Variants in ELSPBP1 observed in about 807,000 individuals in gnomAD.
ELSPBP1 encodes epididymal sperm binding protein 1.
ELSPBP1 carries 38 observed loss-of-function variants against 33.3 expected under a neutral mutation model. The observed-to-expected ratio is 1.14, with a 90% CI of 0.88 to 1.50. ELSPBP1 has a LOEUF of 1.50. Among genes scored for constraint, ELSPBP1 ranks in the 40% most tolerant of loss-of-function variants. The pLI, the probability that ELSPBP1 is intolerant of heterozygous loss-of-function variation, is 0.00. For missense variants in ELSPBP1, 267 were observed against 263.5 expected, an observed-to-expected ratio of 1.01 and a Z score of -0.09; for synonymous variants, 85 against 94.1, an observed-to-expected ratio of 0.90 and a Z score of 0.56.
intron 6 of ELSPBP1, among the ~76,000 whole-genome samples, chr19:48,023,345 G>A (rs1363063057): frequency 8.1e-6 from 1 of 123,320 alleles, no homozygotes; most frequent in African/African-American, 3.0e-5. Flanking sequence ...AGGGAGGGAG[G>A]AAGGAAAGAA....
chr19:48,012,281 G>T (rs989084156), intron 2 of ELSPBP1, among the ~76,000 whole-genome samples: 5 of 150,126 alleles, frequency 3.3e-5, no homozygotes, highest in African/African-American at 1.2e-4. Flanking sequence ...ACACCACCAT[G>T]CCCGGCTAAT....
intron 6 of ELSPBP1, among the ~76,000 whole-genome samples, chr19:48,024,108 T>A (rs1257351389): frequency 6.6e-6 from 1 of 150,580 alleles, no homozygotes; most frequent in Non-Finnish European, 1.5e-5. Context: ...GGTCTCAAAC[T>A]CCTGACCTCA....
chr19:48,008,209 A>G (rs1244342046), intron 1 of ELSPBP1, among the ~76,000 whole-genome samples: 2 of 151,668 alleles, frequency 1.3e-5, no homozygotes, highest in Admixed American at 6.6e-5. Context: ...ATGTAGAAAC[A>G]TATGTGTGTG....
chr19:47,995,750 G>C (rs1004350721), intron 1 of ELSPBP1, among the ~76,000 whole-genome samples: 2 of 152,140 alleles, frequency 1.3e-5, no homozygotes, highest in African/African-American at 4.8e-5. Context: ...GGCTTCTATA[G>C]TTTAGGTTTT....
At chr19:48,023,619 G>A in intron 6 of ELSPBP1, among the ~76,000 whole-genome samples, 1 of 151,328 alleles carries the variant, frequency 6.6e-6, no homozygotes, top group South Asian at 2.1e-4. Context: ...GGAAGAAAGG[G>A]AAGGAGGGAA....
intron 3 of ELSPBP1, among the ~76,000 whole-genome samples, chr19:48,015,546 T>C (rs1967122373): frequency 6.6e-6 from 1 of 152,022 alleles, no homozygotes; most frequent in South Asian, 2.1e-4. Flanking sequence ...TAATCCCAGC[T>C]ACTCGGGAGG....
intron 1 of ELSPBP1, among the ~76,000 whole-genome samples, chr19:47,996,494 A>G (rs1966913458): frequency 6.6e-6 from 1 of 152,128 alleles, no homozygotes; most frequent in Non-Finnish European, 1.5e-5. Context: ...GGGCAAAAGG[A>G]TGGGAGAATT....
intron 1 of ELSPBP1, among the ~76,000 whole-genome samples, chr19:47,998,454 G>T (rs1966932932): frequency 6.8e-6 from 1 of 147,910 alleles, no homozygotes; most frequent in South Asian, 2.1e-4. Context: ...TCAATCTCAG[G>T]GATTGGGCTA....
At chr19:47,995,143 T>G (rs73565552) in intron 1 of ELSPBP1, among the ~76,000 whole-genome samples, 5,275 of 152,298 alleles carry the variant, frequency 0.035, 300 homozygotes, top group African/African-American at 0.12. Context: ...ATAGAACAAT[T>G]TGAACTTTCC....
At chr19:48,013,087 G>C (rs1664100572) in intron 2 of ELSPBP1, among the ~76,000 whole-genome samples, 1 of 152,070 alleles carries the variant, frequency 6.6e-6, no homozygotes, top group Admixed American at 6.6e-5. Flanking sequence ...GTAAGCAGAA[G>C]GACTAAAAGG....
At chr19:48,018,851 C>T (rs892178288) in intron 4 of ELSPBP1, among the ~76,000 whole-genome samples, 2 of 152,156 alleles carry the variant, frequency 1.3e-5, no homozygotes, top group African/African-American at 2.4e-5. Flanking sequence ...ACTTCCTTGA[C>T]AGCATCTTAA....
chr19:48,004,226 G>T (rs1917775439), intron 1 of ELSPBP1, among the ~76,000 whole-genome samples: 3 of 152,068 alleles, frequency 2.0e-5, no homozygotes, highest in Non-Finnish European at 4.4e-5. Context: ...TTACAGGCAT[G>T]AGCCACCACA....
chr19:48,020,220 G>T (rs1967185044), intron 5 of ELSPBP1, among the ~76,000 whole-genome samples: 1 of 152,198 alleles, frequency 6.6e-6, no homozygotes, highest in Admixed American at 6.5e-5. Flanking sequence ...GGGAGGCTGA[G>T]ATGGGAGGAT....
At position 48,008,650 on chromosome 19, in the gene ELSPBP1, G is replaced by A. The variant is rs1025996293; in HGVS notation, c.-17-1G>A. On this transcript the variant is annotated splice_acceptor_variant, in intron 1 of 6. Transcript: ENST00000339841. LOFTEE classifies it low-confidence loss of function (5UTR_SPLICE). ...GAAAATTTTTGTCTTCTTTTCCACA[G>A]AGAAGAGGGCAGCCAAGATGACCCG... is the stretch of plus-strand genomic sequence containing the variant. The A allele has an allele frequency of 3.7e-6, 6 of 1,613,072 alleles. No homozygotes were observed. Among genetic ancestry groups the A allele is most frequent in the Admixed American group, 3.3e-5 (2 of 59,932 alleles).
chr19:48,016,388 GCTTC>G lies in ELSPBP1; in HGVS notation c.355+361_355+364del, dbSNP rs989108124. ...CTTTTCTTTCCTTCCTTCCTTCCTT[GCTTC>G]CTTCCTTCCTTTCCTTTCTTTCCTT... On this transcript the variant is annotated intron_variant, in intron 4 of 6. Coordinates refer to ENST00000339841, the MANE Select transcript of ELSPBP1 (RefSeq NM_022142.5). 3.4e-5 allele frequency among the ~76,000 whole-genome samples: 5 copies of G among 148,206 alleles called. No homozygotes were observed. The South Asian group carries it at 1.1e-3, about 32-fold the overall frequency.
rs371916640 is a variant in ELSPBP1 at position 48,000,206 on chromosome 19, A to G, written c.-18+5395A>G. Among the ~76,000 whole-genome samples the G allele has an allele frequency of 6.2e-3, 395 of 64,022 alleles. 1 individual carries two copies. Among genetic ancestry groups the G allele is most frequent in the African/African-American group, 0.023 (377 of 16,584 alleles). 42.0% of individuals were successfully genotyped at this position (64,022 alleles called of 152,430 possible). A position where few individuals can be genotyped will look rare whatever the true frequency, so the allele number is the denominator to read the frequency against. On this transcript the variant is annotated intron_variant, in intron 1 of 6. Transcript: ENST00000339841. ...CATTGTATCATTTCATTCTTCCCCC[A>G]CCCCGGCCGCCCCCCAAAAATCCTG...
intron 3 of ELSPBP1, among the ~76,000 whole-genome samples, chr19:48,014,536 C>T (rs1425255506): frequency 1.3e-4 from 7 of 52,868 alleles, no homozygotes; most frequent in East Asian, 4.5e-4. Context: ...GGGTGGGGGG[C>T]GGGGGGAGGG....
At chr19:48,010,874 T>C (rs567063948) in intron 2 of ELSPBP1, among the ~76,000 whole-genome samples, 1 of 152,350 alleles carries the variant, frequency 6.6e-6, no homozygotes, top group Admixed American at 6.5e-5. Flanking sequence ...ATTCATTATG[T>C]GCTGATTCTT....
At chr19:47,998,214 T>C (rs1473450325) in intron 1 of ELSPBP1, among the ~76,000 whole-genome samples, 3 of 151,026 alleles carry the variant, frequency 2.0e-5, no homozygotes, top group Non-Finnish European at 4.4e-5. Context: ...GAGTTCAAGA[T>C]CAGCCTGGCC....
Sources: gnomAD v4.1 joint callset for allele counts (sites outside exome capture counted in the v4.1 genomes callset) on GRCh38, gnomAD v4.1.1 for gene constraint, MANE v1.5 for transcripts, NCBI Gene and HGNC (gene_info 2026-07-23, HGNC 2026-07-21) for gene names.